PDZD8: variants seen among roughly 807,000 people sequenced by gnomAD.
PDZD8 encodes the protein PDZ domain containing 8, also known as PDZ domain-containing protein 8.
A neutral mutation model predicts 85.8 loss-of-function variants in PDZD8; 14 were observed. The observed-to-expected ratio is 0.16, with a 90% CI of 0.11 to 0.26. The LOEUF is 0.26. PDZD8 is among the 10% of genes least tolerant of loss of function. The pLI is 1.00. For missense variants in PDZD8, 1,197 were observed against 1,424.3 expected, an observed-to-expected ratio of 0.84 and a Z score of 2.57; for synonymous variants, 592 against 568.6, an observed-to-expected ratio of 1.04 and a Z score of -0.59.
chr10:117,313,441 G>A (rs552982100), intron 3 of PDZD8, among the ~76,000 whole-genome samples: 1 of 152,136 alleles, frequency 6.6e-6, no homozygotes, highest in South Asian at 2.1e-4. Flanking sequence ...AATTAAGTAA[G>A]TGCCACATAT....
chr10:117,344,678 C>T (rs1347256453), intron 1 of PDZD8, among the ~76,000 whole-genome samples: 7 of 152,318 alleles, frequency 4.6e-5, no homozygotes, highest in South Asian at 4.1e-4. Flanking sequence ...TGAGCCACCA[C>T]GCCCGGCCAC....
chr10:117,292,332 G>C (rs1028561743), intron 3 of PDZD8, among the ~76,000 whole-genome samples: 9 of 152,136 alleles, frequency 5.9e-5, no homozygotes, highest in Non-Finnish European at 1.3e-4. Flanking sequence ...TTATGACACA[G>C]CAATTAATCA....
At chr10:117,286,380 C>T (rs1326209298) in intron 4 of PDZD8, among the ~76,000 whole-genome samples, 1 of 152,206 alleles carries the variant, frequency 6.6e-6, no homozygotes, top group Non-Finnish European at 1.5e-5. Context: ...CAAGCTATCC[C>T]TTTATGTAGA....
chr10:117,363,308 T>C (rs908138674), intron 1 of PDZD8, among the ~76,000 whole-genome samples: 20 of 152,092 alleles, frequency 1.3e-4, no homozygotes, highest in Non-Finnish European at 2.5e-4. Context: ...AAAATTAGCA[T>C]ACAACACAAA....
In PDZD8 at chr10:117,294,629, T is replaced by TA. The variant is rs1843725495; in HGVS notation, c.1099-4282dup. Among the ~76,000 whole-genome samples the TA allele has an allele frequency of 2.0e-5, 3 of 151,954 alleles. No individual in the cohort carries two copies. The South Asian group carries it at 6.2e-4, about 32-fold the overall frequency. ...AAGAGTCCATCAATGGATAAATGGA[T>TA]AAAAAATGTGCGGTATACAAACACA... On this transcript the variant is annotated intron_variant, in intron 3 of 4. Coordinates refer to ENST00000334464, the MANE Select transcript of PDZD8 (RefSeq NM_173791.5).
At chr10:117,369,243 C>T (rs1466787045) in intron 1 of PDZD8, among the ~76,000 whole-genome samples, 1 of 152,094 alleles carries the variant, frequency 6.6e-6, no homozygotes, top group Non-Finnish European at 1.5e-5. Context: ...GCAGCAATCT[C>T]TGCCTCTCGG....
intron 3 of PDZD8, among the ~76,000 whole-genome samples, chr10:117,304,300 T>C (rs114882632): frequency 0.04 from 6,075 of 152,212 alleles, 140 homozygotes; most frequent in East Asian, 0.066. Context: ...TGTAACCCTT[T>C]GTTTTGGCCA....
intron 3 of PDZD8, among the ~76,000 whole-genome samples, chr10:117,315,587 C>CAAAAAA (rs35866840): frequency 2.6e-4 from 11 of 42,080 alleles, no homozygotes; most frequent in African/African-American, 4.8e-4. Context: ...TAGACTCTCT[C>CAAAAAA]AAAAAAAAAA....
intron 2 of PDZD8, among the ~76,000 whole-genome samples, chr10:117,326,253 T>C (rs1457138372): frequency 1.3e-5 from 2 of 152,228 alleles, no homozygotes; most frequent in Non-Finnish European, 2.9e-5. Context: ...CTCTGTTCTT[T>C]AATCCCTATA....
At chr10:117,325,189 G>A (rs985088516) in intron 2 of PDZD8, among the ~76,000 whole-genome samples, 1 of 152,072 alleles carries the variant, frequency 6.6e-6, no homozygotes, top group East Asian at 1.9e-4. Flanking sequence ...AGCCCAGCCG[G>A]TGGTCTTATA....
intron 3 of PDZD8, among the ~76,000 whole-genome samples, chr10:117,294,961 G>T (rs1347484189): frequency 2.0e-5 from 3 of 152,092 alleles, no homozygotes; most frequent in African/African-American, 7.2e-5. Context: ...AGTTAATAAT[G>T]TATTGTATAT....
chr10:117,334,177 T>C (rs1046017870), intron 2 of PDZD8, among the ~76,000 whole-genome samples: 1 of 152,164 alleles, frequency 6.6e-6, no homozygotes, highest in African/African-American at 2.4e-5. Flanking sequence ...GATTAATATT[T>C]CAATTATCAA....
At chr10:117,368,851 G>GTTTTT (rs3034161) in intron 1 of PDZD8, among the ~76,000 whole-genome samples, 9 of 99,070 alleles carry the variant, frequency 9.1e-5, no homozygotes, top group South Asian at 3.3e-4. Context: ...TATTGACAAT[G>GTTTTT]TTTTTTTTTT....
Position 117,279,610 on chromosome 10 carries a change from T to C in PDZD8, c.*3658A>G, listed in dbSNP as rs1844549927. 1.3e-5 allele frequency: 2 copies of C among 152,336 alleles called. No homozygotes were observed. The highest frequency in any genetic ancestry group is 2.1e-4 in the South Asian group (1 of 4,828). The allele number at this position is 152,336 out of a possible 1,614,324, so 9.4% of individuals were successfully genotyped here. ...TTGGCTTTCCACAATTTATTTTAAATTGAGATATGTAACTAGCCACATTCA... is the reference window on the plus strand; with the variant it reads ...TTGGCTTTCCACAATTTATTTTAAACTGAGATATGTAACTAGCCACATTCA... On this transcript the variant is annotated 3_prime_UTR_variant, in exon 5 of 5. Transcript: ENST00000334464.
rs1844736135 is a variant in PDZD8, at chr10:117,290,310, A to C, written c.1137T>G (p.Leu379=). 1.9e-6 allele frequency: 3 copies of C among 1,611,536 alleles called. No individual in the cohort carries two copies. The highest frequency in any genetic ancestry group is 1.7e-6 in the Non-Finnish European group (2 of 1,178,884). ...CAGTTGACTGGACAAGACGAAGTGTAAGTCCAACACTTTGTAAATTTCCTT... is the reference window on the plus strand; with the variant it reads ...CAGTTGACTGGACAAGACGAAGTGTCAGTCCAACACTTTGTAAATTTCCTT... ...LIKGNLQSVG[L]TLRLVQSTDG... Residue 379 remains leucine, a synonymous_variant, in exon 4 of 5, where the codon CTT becomes CTG. Coordinates refer to ENST00000334464, the MANE Select transcript of PDZD8 (RefSeq NM_173791.5).
rs548253669 is a variant in PDZD8, at chr10:117,281,147, T to A, written c.*2121A>T. 3.3e-5 allele frequency: 5 copies of A among 152,010 alleles called. No homozygotes were observed. The highest frequency in any genetic ancestry group is 7.4e-5 in the Non-Finnish European group (5 of 68,026). The allele number at this position is 152,010 out of a possible 1,614,324, so 9.4% of individuals were successfully genotyped here. ...ACTTTGGGAGGCCGAGGCAGGTGGA[T>A]CACGAGGTCAGGAGATCGAGACCAT... is the stretch of plus-strand genomic sequence containing the variant. On this transcript the variant is annotated 3_prime_UTR_variant, in exon 5 of 5. Transcript: ENST00000334464.
In PDZD8 at chr10:117,375,005, C is replaced by T; in HGVS notation, c.223G>A (p.Glu75Lys). Residue 75 changes from glutamate (E) to lysine (K), a missense_variant, in exon 1 of 5, where the codon GAG (glutamate) becomes AAG (lysine). This residue lies in a region of PDZD8 where 172 missense variants were observed against 137.8 expected (regional missense o/e 1.25). Transcript: ENST00000334464. ...RDEEPSGAAP[E>K]GGATPTAAPE... ...GCCGCGGTGGGGGTCGCGCCGCCCT[C>T]AGGGGCCGCTCCGGAGGGCTCCTCA... The T allele has an allele frequency of 6.3e-7, 1 of 1,588,802 alleles. No individual in the cohort carries two copies. Among genetic ancestry groups the T allele is most frequent in the Non-Finnish European group, 8.6e-7 (1 of 1,167,866 alleles).
chr10:117,298,133 T>C (rs1015430459), intron 3 of PDZD8, among the ~76,000 whole-genome samples: 12 of 152,090 alleles, frequency 7.9e-5, no homozygotes, highest in African/African-American at 2.9e-4. Flanking sequence ...TACTAGACTG[T>C]AGATACAGAA....
chr10:117,359,614 G>A (rs1844961428), intron 1 of PDZD8, among the ~76,000 whole-genome samples: 1 of 152,050 alleles, frequency 6.6e-6, no homozygotes, highest in Non-Finnish European at 1.5e-5. Flanking sequence ...GAGAGGCTGA[G>A]GTGGGAGAAT....
Sources: gnomAD v4.1 joint callset for allele counts (sites outside exome capture counted in the v4.1 genomes callset) on GRCh38, gnomAD v4.1.1 for gene constraint, gnomAD v4.1.1 regional missense constraint, MANE v1.5 for transcripts, NCBI Gene and HGNC (gene_info 2026-07-23, HGNC 2026-07-21) for gene names.